DNAH8: variants seen among roughly 807,000 people sequenced by gnomAD.
DNAH8 encodes the protein axonemal beta dynein heavy chain 8.
Under a neutral mutation model 562.1 loss-of-function variants are expected in DNAH8, and 382 were observed. The ratio of observed to expected loss-of-function variants is 0.68; its 90% CI spans 0.63 to 0.74. DNAH8 has a LOEUF of 0.74. DNAH8 is among the 30% of genes least tolerant of loss of function. The probability of loss-of-function intolerance (pLI) is 0.00; values close to 1 mark genes in which losing one functional copy is unlikely to be tolerated. For synonymous variants in DNAH8, 1,881 were observed against 1,919.4 expected (o/e 0.98, Z 0.52); for missense variants, 5,203 against 5,620.4 (o/e 0.93, Z 2.37).
chr6:38,828,710 A>G (rs1028501789), intron 30 of DNAH8, among the ~76,000 whole-genome samples: 1 of 152,216 alleles, frequency 6.6e-6, no homozygotes, highest in African/African-American at 2.4e-5. Flanking sequence ...TGAGACTGTA[A>G]ATTATTTTAA....
intron 30 of DNAH8, among the ~76,000 whole-genome samples, chr6:38,831,655 G>C (rs1182335251): frequency 6.6e-6 from 1 of 152,108 alleles, no homozygotes; most frequent in Non-Finnish European, 1.5e-5. Context: ...GCCAGGTTTT[G>C]AATCTTGACT....
chr6:38,940,106 T>G (rs776482257), intron 79 of DNAH8, among the ~76,000 whole-genome samples: 27 of 152,202 alleles, frequency 1.8e-4, no homozygotes, highest in Non-Finnish European at 3.5e-4. Flanking sequence ...GTGACGTGAT[T>G]GATCATTATG....
chr6:38,715,954 ATATATATT>A (rs1410646137), intron 1 of DNAH8, among the ~76,000 whole-genome samples: 8 of 37,526 alleles, frequency 2.1e-4, no homozygotes, highest in East Asian at 6.7e-4. Context: ...ATATATATAT[ATATATATT>A]TTTTTTTTTT....
At chr6:38,997,201 T>A (rs9394568) in intron 88 of DNAH8, among the ~76,000 whole-genome samples, 20,206 of 152,102 alleles carry the variant, frequency 0.13, 1,608 homozygotes, top group East Asian at 0.35. Flanking sequence ...AGTACCTAGG[T>A]TTGATTCTTC....
In DNAH8 at chr6:38,789,927, A is replaced by C. The variant is rs776131462; in HGVS notation, c.2664+44A>C. ...TTGTATTGATTTTCCTGTTATTTAA[A>C]ATTAGATTTCGGTTCTATAAACTAT... On this transcript the variant is annotated intron_variant, in intron 19 of 92. Coordinates refer to ENST00000327475, the MANE Select transcript of DNAH8 (RefSeq NM_001206927.2). 4 of 1,460,340 alleles carry C rather than the reference A, an allele frequency of 2.7e-6. No individual in the cohort carries two copies. In the Admixed American group the frequency reaches 5.3e-5, roughly 19 times the overall value. 90.5% of individuals were successfully genotyped at this position (1,460,340 alleles called of 1,614,324 possible). A position where few individuals can be genotyped will look rare whatever the true frequency, so the allele number is the denominator to read the frequency against.
At chr6:39,014,248 T>A (rs1273812514) in intron 91 of DNAH8, among the ~76,000 whole-genome samples, 1 of 152,180 alleles carries the variant, frequency 6.6e-6, no homozygotes, top group Non-Finnish European at 1.5e-5. Flanking sequence ...CACTTATCTA[T>A]TTTTCTCCCA....
Position 38,737,174 on chromosome 6 carries a change from T to C in DNAH8, c.870T>C (p.Gly290=). 6.3e-7 allele frequency: 1 copy of C among 1,582,752 alleles called. No individual in the cohort carries two copies. The highest frequency in any genetic ancestry group is 1.2e-5 in the South Asian group (1 of 84,898). The stretch of plus-strand genomic sequence containing the variant: ...CTGTTCTTGCAACAAACAACTGGGG[T>C]GCTTTAAACCAGTCCAAGCAGGGAG... ...LPAVLATNNW[G]ALNQSKQGES... Residue 290 remains glycine, a synonymous_variant, in exon 6 of 93, where the codon GGT becomes GGC. Coordinates refer to ENST00000327475, the MANE Select transcript of DNAH8 (RefSeq NM_001206927.2).
chr6:38,748,662 G>C (rs781204874), intron 8 of DNAH8, among the ~76,000 whole-genome samples: 1 of 151,628 alleles, frequency 6.6e-6, no homozygotes, highest in South Asian at 2.1e-4. Flanking sequence ...GCTGAGGCAG[G>C]AGAATGGCGT....
In DNAH8 at chr6:38,822,999, ACT is replaced by A; in HGVS notation, c.3690_3691del (p.Trp1231AspfsTer14). The A allele has an allele frequency of 6.3e-7, 1 of 1,597,818 alleles. No homozygotes were observed. Among genetic ancestry groups the A allele is most frequent in the Non-Finnish European group, 8.5e-7 (1 of 1,175,808 alleles). The stretch of plus-strand genomic sequence containing the variant: ...CCTGCAGGACTTTCAGAAGTACAAG[ACT>A]CTCTGGACAGAGGACCGCGATGTGA... ...EALQDFQKYKTLWTEDRDVKV... is the reference protein window; with the variant it reads ...EALQDFQKYKXLWTEDRDVKV... On this transcript the variant is annotated frameshift_variant, in exon 27 of 93. Transcript: ENST00000327475. LOFTEE classifies it high-confidence loss of function.
chr6:38,898,239 T>C lies in DNAH8; in HGVS notation c.8941-19T>C. On this transcript the variant is annotated intron_variant, in intron 60 of 92. Transcript: ENST00000327475. The stretch of plus-strand genomic sequence containing the variant: ...TTGGATCTTAAATATTATTTTTTTA[T>C]CTTTCTCTCCACCCATAGATGCCAT... 6.4e-7 allele frequency: 1 copy of C among 1,570,808 alleles called. No homozygotes were observed. Among genetic ancestry groups the C allele is most frequent in the Non-Finnish European group, 8.6e-7 (1 of 1,165,620 alleles).
intron 28 of DNAH8, among the ~76,000 whole-genome samples, chr6:38,825,768 C>A (rs1033202936): frequency 3.3e-5 from 5 of 152,114 alleles, no homozygotes; most frequent in African/African-American, 1.2e-4. Context: ...GAAGTCATGG[C>A]TTGACACACA....
chr6:38,927,320 A>G (rs1331933809), intron 74 of DNAH8, among the ~76,000 whole-genome samples: 1 of 152,202 alleles, frequency 6.6e-6, no homozygotes, highest in Non-Finnish European at 1.5e-5. Flanking sequence ...AAATGTTGAA[A>G]GATTTCCTCC....
chr6:38,850,964 A>G (rs1404572390), intron 38 of DNAH8, among the ~76,000 whole-genome samples: 2 of 152,202 alleles, frequency 1.3e-5, no homozygotes, highest in African/African-American at 4.8e-5. Context: ...ATTTCAGGGA[A>G]TAGGACCTGG....
intron 32 of DNAH8, 118 bp from the exon 33 acceptor site, chr6:38,837,824 A>G: frequency 1.4e-6 from 1 of 708,640 alleles, no homozygotes. Context: ...ACAAATCCTT[A>G]TTTTATAGCT....
rs775893930 is a variant in DNAH8, at chr6:38,870,427, C to T, written c.6855C>T (p.Leu2285=). The part of the protein sequence containing the change: ...KLVDEDEPLF[L]SLINDLFPGL... ...TTGATGAAGATGAACCCCTGTTCCT[C>T]AGCTTAATCAATGACCTGTTCCCAG... Residue 2285 remains leucine, a synonymous_variant, in exon 49 of 93, where the codon CTC becomes CTT. Transcript: ENST00000327475. 2 of 1,613,752 alleles carry T rather than the reference C, an allele frequency of 1.2e-6. No homozygotes were observed. The highest frequency in any genetic ancestry group is 1.7e-6 in the Non-Finnish European group (2 of 1,179,878).
chr6:38,899,505 T>A (rs1328149901), intron 61 of DNAH8, among the ~76,000 whole-genome samples: 1 of 152,242 alleles, frequency 6.6e-6, no homozygotes, highest in Non-Finnish European at 1.5e-5. Context: ...TGCACACGCA[T>A]GAACACACAC....
intron 88 of DNAH8, among the ~76,000 whole-genome samples, chr6:38,990,475 C>T (rs1012376668): frequency 3.3e-5 from 5 of 152,194 alleles, no homozygotes; most frequent in Non-Finnish European, 7.3e-5. Flanking sequence ...TCTCCGCCGG[C>T]AGAAGAGTGG....
At chr6:38,937,120 C>T (rs1033923505) in intron 77 of DNAH8, among the ~76,000 whole-genome samples, 4 of 152,066 alleles carry the variant, frequency 2.6e-5, no homozygotes, top group South Asian at 2.1e-4. Flanking sequence ...AACCAAACAC[C>T]GCATGTTCTC....
At chr6:38,979,599 C>T (rs1456555968) in intron 85 of DNAH8, among the ~76,000 whole-genome samples, 2 of 152,154 alleles carry the variant, frequency 1.3e-5, no homozygotes, top group African/African-American at 4.8e-5. Flanking sequence ...ATGAGCTAAT[C>T]AGTTTATGAC....
Sources: gnomAD v4.1 joint callset for allele counts (sites outside exome capture counted in the v4.1 genomes callset) on GRCh38, gnomAD v4.1.1 for gene constraint, MANE v1.5 for transcripts, NCBI Gene and HGNC (gene_info 2026-07-23, HGNC 2026-07-21) for gene names.